Variants in PTPRJ observed in about 807,000 individuals in gnomAD.
PTPRJ encodes protein tyrosine phosphatase receptor type J, also known as receptor-type tyrosine-protein phosphatase eta.
A neutral mutation model predicts 141.3 loss-of-function variants in PTPRJ; 129 were observed. That is an observed-to-expected ratio of 0.91 (90% CI 0.79 to 1.06). PTPRJ has a LOEUF of 1.06. Ranked by LOEUF, PTPRJ falls within the 50% of genes least tolerant of loss-of-function variation. PTPRJ has a pLI of 0.00. For missense variants in PTPRJ, 1,601 were observed against 1,679.7 expected (o/e 0.95, Z 0.82); for synonymous variants, 610 against 640.5 (o/e 0.95, Z 0.72).
At chr11:48,159,679 G>T (rs1338420621) in intron 21 of PTPRJ, among the ~76,000 whole-genome samples, 1 of 152,182 alleles carries the variant, frequency 6.6e-6, no homozygotes. Context: ...TTGCTTGAGT[G>T]CAGGAATTGG....
At chr11:48,126,006 T>C (rs1314023179) in intron 6 of PTPRJ, among the ~76,000 whole-genome samples, 1 of 152,022 alleles carries the variant, frequency 6.6e-6, no homozygotes, top group Non-Finnish European at 1.5e-5. Context: ...GAGGAGGGCT[T>C]GGATTCCAGA....
At chr11:48,092,709 C>T (rs1476615295) in intron 1 of PTPRJ, among the ~76,000 whole-genome samples, 4 of 152,180 alleles carry the variant, frequency 2.6e-5, no homozygotes, top group Non-Finnish European at 5.9e-5. Context: ...GGATTACAGG[C>T]GTGAACTACT....
intron 1 of PTPRJ, among the ~76,000 whole-genome samples, chr11:47,981,433 G>C (rs946705782): frequency 1.3e-5 from 2 of 152,094 alleles, no homozygotes; most frequent in African/African-American, 4.8e-5. Flanking sequence ...ACAGACCTCC[G>C]ACCCGGCCTG....
At chr11:48,052,127 G>A (rs1422458665) in intron 1 of PTPRJ, among the ~76,000 whole-genome samples, 2 of 152,196 alleles carry the variant, frequency 1.3e-5, no homozygotes, top group African/African-American at 4.8e-5. Flanking sequence ...AGAATTGCCT[G>A]TAGGTTTACC....
intron 1 of PTPRJ, among the ~76,000 whole-genome samples, chr11:48,058,122 G>T (rs1460976039): frequency 6.6e-6 from 1 of 152,038 alleles, no homozygotes; most frequent in Non-Finnish European, 1.5e-5. Context: ...ATGTTGACCA[G>T]GCTGGTCTTC....
At chr11:48,055,766 G>A (rs898557764) in intron 1 of PTPRJ, among the ~76,000 whole-genome samples, 2 of 152,318 alleles carry the variant, frequency 1.3e-5, no homozygotes, top group African/African-American at 2.4e-5. Flanking sequence ...CCTGTCTCTC[G>A]TTCTGGTCAC....
At chr11:47,988,879 GTTTTTTTTT>G (rs869194701) in intron 1 of PTPRJ, among the ~76,000 whole-genome samples, 16 of 76,338 alleles carry the variant, frequency 2.1e-4, no homozygotes, top group African/African-American at 9.6e-4. Flanking sequence ...ATTGTATCTT[GTTTTTTTTT>G]TTTTTTTTTT....
At chr11:48,023,587 C>A (rs1590411999) in intron 1 of PTPRJ, among the ~76,000 whole-genome samples, 1 of 151,982 alleles carries the variant, frequency 6.6e-6, no homozygotes, top group Non-Finnish European at 1.5e-5. Flanking sequence ...TTCGAGACCA[C>A]CCTAGCCAAT....
intron 1 of PTPRJ, among the ~76,000 whole-genome samples, chr11:48,109,340 A>G (rs1218972835): frequency 6.6e-6 from 1 of 152,164 alleles, no homozygotes; most frequent in Non-Finnish European, 1.5e-5. Context: ...TAGAGTGTAC[A>G]ACCTTGAATC....
intron 10 of PTPRJ, 26 bp from the exon 11 acceptor site, chr11:48,139,460 C>T: frequency 6.2e-7 from 1 of 1,604,926 alleles, no homozygotes. Context: ...CCCGGAATCT[C>T]ATGCTGTGCT....
At chr11:48,001,785 C>A (rs140723167) in intron 1 of PTPRJ, among the ~76,000 whole-genome samples, 1 of 152,338 alleles carries the variant, frequency 6.6e-6, no homozygotes, top group South Asian at 2.1e-4. Context: ...CAAGCCTAGG[C>A]TGCTTGCTGC....
chr11:48,066,889 C>T (rs1855100737), intron 1 of PTPRJ, among the ~76,000 whole-genome samples: 1 of 152,136 alleles, frequency 6.6e-6, no homozygotes. Flanking sequence ...CCCAGCCTTC[C>T]AGTCGTATTC....
At chr11:48,011,528 A>G (rs1480210113) in intron 1 of PTPRJ, among the ~76,000 whole-genome samples, 1 of 152,138 alleles carries the variant, frequency 6.6e-6, no homozygotes, top group Non-Finnish European at 1.5e-5. Context: ...GATTGGTGTT[A>G]ATAAGGCAGT....
At chr11:47,984,713 C>T (rs184591467) in intron 1 of PTPRJ, among the ~76,000 whole-genome samples, 60 of 152,210 alleles carry the variant, frequency 3.9e-4, no homozygotes, top group African/African-American at 1.4e-3. Flanking sequence ...CGTATGCCGC[C>T]ATACCTGGCT....
intron 1 of PTPRJ, among the ~76,000 whole-genome samples, chr11:48,030,061 A>G (rs558910925): frequency 2.0e-5 from 3 of 152,216 alleles, no homozygotes; most frequent in Non-Finnish European, 4.4e-5. Flanking sequence ...GAGATAGTAT[A>G]AGAAATTCTG....
In PTPRJ at chr11:48,005,353, A is replaced by G. The variant is rs549647457; in HGVS notation, c.96+24345A>G. Reference sequence around the variant, plus strand: ...CCATGCCCACGAGTGCTCACTCCTGATTTCTCCCTCCCCCACCTCCTGGCA... The same window carrying G: ...CCATGCCCACGAGTGCTCACTCCTGGTTTCTCCCTCCCCCACCTCCTGGCA... On this transcript the variant is annotated intron_variant, in intron 1 of 24. Transcript: ENST00000418331. 4.6e-5 allele frequency among the ~76,000 whole-genome samples: 7 copies of G among 152,052 alleles called. No homozygotes were observed. In the South Asian group the frequency reaches 1.5e-3, roughly 32 times the overall value.
chr11:47,996,396 A>G (rs949805406), intron 1 of PTPRJ, among the ~76,000 whole-genome samples: 1 of 151,810 alleles, frequency 6.6e-6, no homozygotes, highest in African/African-American at 2.4e-5. Flanking sequence ...GTGTCAGCAG[A>G]AGCATGTGTC....
intron 1 of PTPRJ, among the ~76,000 whole-genome samples, chr11:48,057,710 A>C (rs891882850): frequency 6.6e-6 from 1 of 152,044 alleles, no homozygotes; most frequent in Non-Finnish European, 1.5e-5. Flanking sequence ...GGGAAAAAAA[A>C]CTTTCCTTTT....
At chr11:48,167,131 T>C in intron 24 of PTPRJ, 73 bp from the exon 25 acceptor site, 1 of 1,449,802 alleles carries the variant, frequency 6.9e-7, no homozygotes, top group Non-Finnish European at 9.6e-7. Context: ...ATGACCTGTT[T>C]GAAAATAATT....
Sources: gnomAD v4.1 joint callset for allele counts (sites outside exome capture counted in the v4.1 genomes callset) on GRCh38, gnomAD v4.1.1 for gene constraint, MANE v1.5 for transcripts, NCBI Gene and HGNC (gene_info 2026-07-23, HGNC 2026-07-21) for gene names.